CATSPER2: variants seen among roughly 807,000 people sequenced by gnomAD.
CATSPER2 encodes the protein cation channel sperm-associated protein 2.
Under a neutral mutation model 68.8 loss-of-function variants are expected in CATSPER2, and 56 were observed. The ratio of observed to expected loss-of-function variants is 0.81; its 90% CI spans 0.66 to 1.02. The LOEUF is 1.02. Among genes scored for constraint, CATSPER2 ranks in the 50% least tolerant of loss-of-function variants. The pLI, the probability that CATSPER2 is intolerant of heterozygous loss-of-function variation, is 0.00. For synonymous variants in CATSPER2, 198 were observed against 229.9 expected, an observed-to-expected ratio of 0.86 and a Z score of 1.26; for missense variants, 582 against 642.0, an observed-to-expected ratio of 0.91 and a Z score of 1.01.
chr15:43,646,978 A>G, intron 4 of CATSPER2, 72 bp downstream of exon 4: 1 of 1,346,986 alleles, frequency 7.4e-7, no homozygotes, highest in Non-Finnish European at 1.1e-6. Context: ...CGGCCTCCCA[A>G]AGTGCTAGGA....
chr15:43,647,385 C>G lies in CATSPER2; in HGVS notation c.228G>C (p.Gln76His), dbSNP rs141294344. Residue 76 changes from glutamine to histidine, a missense_variant, in exon 3 of 13, where the codon CAG becomes CAC. By Grantham distance (24) the Gln-to-His change is conservative (BLOSUM62 0). Around this residue, in one of 5 missense-constraint regions of CATSPER2, gnomAD observed 197 missense variants for 191.0 expected, o/e 1.03. Transcript: ENST00000396879. ...TCAACAGCCTCTGGGCATGTGAAAT[C>G]TGTTCTATACGCTGAGGCTTTATAG... is the stretch of plus-strand genomic sequence containing the variant. ...RFSIKPQRIE[Q>H]ISHAQRLLSR... 1.2e-6 allele frequency: 2 copies of G among 1,613,342 alleles called. No homozygotes were observed. The highest frequency in any genetic ancestry group is 1.7e-6 in the Non-Finnish European group (2 of 1,179,448).
In CATSPER2 at chr15:43,630,410, A is replaced by G. The variant is rs1018726620; in HGVS notation, c.*291T>C. The G allele has an allele frequency of 6.6e-6, 3 of 452,114 alleles. No individual in the cohort carries two copies. In the East Asian group the frequency reaches 1.5e-4, roughly 22 times the overall value. The allele number at this position is 452,114 out of a possible 1,614,324, so 28.0% of individuals were successfully genotyped here. A position where few individuals can be genotyped will look rare whatever the true frequency, so the allele number is the denominator to read the frequency against. On this transcript the variant is annotated 3_prime_UTR_variant, in exon 13 of 13. Transcript: ENST00000396879. The stretch of plus-strand genomic sequence containing the variant: ...CACTCTGTTGCCCAGGCTGGAGTGC[A>G]GTGGTGCAATCTTGGCTCACTGCAA...
chr15:43,634,119 C>A (rs1372997072), intron 10 of CATSPER2: 1 of 152,000 alleles, frequency 6.6e-6, no homozygotes, highest in Non-Finnish European at 1.5e-5. Context: ...TTTACCACTA[C>A]TAATATGTAA....
Position 43,640,394 on chromosome 15 carries a change from TTA to T in CATSPER2, c.489_490del (p.Lys164ValfsTer17). 2 of 1,613,060 alleles carry T rather than the reference TTA, an allele frequency of 1.2e-6. No homozygotes were observed. Among genetic ancestry groups the T allele is most frequent in the Non-Finnish European group, 1.7e-6 (2 of 1,179,438 alleles). ...GAAAACAGAAAAGTTGGATAGCCAC[TTA>T]AGAAGGATCTCCAGGATGAAAATAA... On this transcript the variant is annotated frameshift_variant, in exon 5 of 13. Transcript: ENST00000396879. LOFTEE classifies it high-confidence loss of function.
At position 43,646,967 on chromosome 15, in the gene CATSPER2, C is replaced by T. The variant is rs544058140; in HGVS notation, c.388+83G>A. On this transcript the variant is annotated intron_variant, in intron 4 of 12. Coordinates refer to ENST00000396879, the MANE Select transcript of CATSPER2 (RefSeq NM_172095.4). ...CCTGAGCTCCGGCAATCCACACGCC[C>T]CGGCCTCCCAAAGTGCTAGGATTAC... 5.0e-4 allele frequency: 592 copies of T among 1,191,558 alleles called. 2 individuals carry two copies. The highest frequency in any genetic ancestry group is 9.7e-4 in the Middle Eastern group (5 of 5,152). 73.8% of individuals were successfully genotyped at this position (1,191,558 alleles called of 1,614,324 possible). A position where few individuals can be genotyped will look rare whatever the true frequency, so the allele number is the denominator to read the frequency against.
chr15:43,631,659 T>C, intron 12 of CATSPER2: 1 of 244,974 alleles, frequency 4.1e-6, no homozygotes. Flanking sequence ...CACATATTTA[T>C]CTTTATAGAG....
intron 4 of CATSPER2, among the ~76,000 whole-genome samples, chr15:43,644,056 C>G (rs774365009): frequency 6.6e-6 from 1 of 151,876 alleles, no homozygotes; most frequent in Non-Finnish European, 1.5e-5. Context: ...TGAGTCAAAT[C>G]TTTTTTTCTT....
chr15:43,644,913 A>G (rs978326594), intron 4 of CATSPER2, among the ~76,000 whole-genome samples: 1 of 152,034 alleles, frequency 6.6e-6, no homozygotes, highest in Non-Finnish European at 1.5e-5. Flanking sequence ...ATCATACAAT[A>G]AAAGGGAATT....
chr15:43,639,965 C>T (rs1665093452), intron 5 of CATSPER2, 167 bp from the exon 6 acceptor site: 1 of 1,497,890 alleles, frequency 6.7e-7, no homozygotes, highest in Non-Finnish European at 8.9e-7. Context: ...TGCTTAAACA[C>T]TATACTTAAA....
At chr15:43,637,828 A>G (rs1051472451) in intron 7 of CATSPER2, 1 of 151,992 alleles carries the variant, frequency 6.6e-6, no homozygotes, top group African/African-American at 2.4e-5. Flanking sequence ...CATATTTGAG[A>G]ATCATAGTAA....
Position 43,647,974 on chromosome 15 carries a change from C to A in CATSPER2, c.88G>T (p.Glu30Ter), listed in dbSNP as rs1427498852. ...SRLIDTFSLI[E>*]HLQGLSQAVP... ...GCTTGGCTCAAGCCTTGCAAATGCT[C>A]AATGAGAGAGAAAGTATCGATGAGA... The change falls in exon 2 of 13, where the codon GAG (glutamate) becomes TAG (stop). Residue 30 changes from glutamate (E) to a stop codon, truncating the protein, a stop_gained. Transcript: ENST00000396879. LOFTEE classifies it high-confidence loss of function. The A allele has an allele frequency of 6.2e-7, 1 of 1,613,530 alleles. No homozygotes were observed. Among genetic ancestry groups the A allele is most frequent in the Non-Finnish European group, 8.5e-7 (1 of 1,179,792 alleles).
At chr15:43,640,063 C>G in intron 5 of CATSPER2, 1 of 1,441,680 alleles carries the variant, frequency 6.9e-7, no homozygotes, top group Non-Finnish European at 9.1e-7. Context: ...AAGGAAAACA[C>G]TTAAAATAAT....
At position 43,648,025 on chromosome 15, in the gene CATSPER2, G is replaced by A. The variant is rs1396069392; in HGVS notation, c.37C>T (p.Pro13Ser). 2 of 1,613,744 alleles carry A rather than the reference G, an allele frequency of 1.2e-6. No homozygotes were observed. The highest frequency in any genetic ancestry group is 2.2e-5 in the South Asian group (2 of 91,040). The part of the protein sequence containing the change: ...AYQQEEQMQL[P>S]RADAIRSRLI... ...CGTGAACGAATGGCATCAGCTCGGG[G>A]AAGCTGCATCTGCTCTTCTTGTTGG... The change falls in exon 2 of 13, where the codon CCC becomes TCC. Residue 13 changes from proline (P) to serine (S), a missense_variant. Physicochemically the swap from Pro to Ser is moderately conservative, Grantham distance 74. Around this residue, in one of 5 missense-constraint regions of CATSPER2, gnomAD observed 197 missense variants for 191.0 expected, o/e 1.03. Transcript: ENST00000396879.
At chr15:43,648,882 C>T (rs1567135667), upstream of CATSPER2, 19 of 1,495,318 alleles carry the variant, frequency 1.3e-5, no homozygotes, top group Admixed American at 4.1e-5. Context: ...CCCGCCCCGC[C>T]CCGCTCTCCG....
chr15:43,642,533 TAGAA>T (rs1384972735), intron 4 of CATSPER2: 1 of 131,264 alleles, frequency 7.6e-6, no homozygotes, highest in Admixed American at 8.4e-5. Flanking sequence ...ATTATATAAT[TAGAA>T]AGAGCTGAGG....
At chr15:43,645,473 T>C (rs117519896) in intron 4 of CATSPER2, among the ~76,000 whole-genome samples, 1,792 of 151,914 alleles carry the variant, frequency 0.012, 36 homozygotes, top group Non-Finnish European at 0.02. Context: ...AAGAGCTTCA[T>C]AACTACTCCC....
At chr15:43,638,286 C>CTTTTTTTTT (rs71460446) in intron 7 of CATSPER2, among the ~76,000 whole-genome samples, 18 of 81,862 alleles carry the variant, frequency 2.2e-4, no homozygotes, top group East Asian at 8.0e-4. Context: ...TTCTTTCTTT[C>CTTTTTTTTT]TTTTTTTTTT....
At chr15:43,635,485 G>C in intron 9 of CATSPER2, 69 bp from the exon 10 acceptor site, 1 of 1,511,960 alleles carries the variant, frequency 6.6e-7, no homozygotes, top group South Asian at 1.2e-5. Context: ...GAAAAAAAAA[G>C]TTCATATCAG....
At chr15:43,639,052 A>C (rs777466043) in intron 6 of CATSPER2, 24 bp from the exon 7 acceptor site, 17 of 1,610,162 alleles carry the variant, frequency 1.1e-5, no homozygotes, top group Non-Finnish European at 1.4e-5. Context: ...CTCTCATGTC[A>C]GATGTGGGCC....
Sources: allele counts gnomAD v4.1 joint callset (sites outside exome capture counted in the v4.1 genomes callset), GRCh38; gene constraint gnomAD v4.1.1; regional missense constraint gnomAD v4.1.1; transcripts MANE v1.5; gene names NCBI Gene and HGNC (gene_info 2026-07-23, HGNC 2026-07-21).